The following OSBPL5 variants were observed in gnomAD, a reference collection of about 807,000 sequenced individuals.
OSBPL5 encodes the protein oxysterol-binding protein-related protein 5.
OSBPL5 carries 71 observed loss-of-function variants against 111.2 expected under a neutral mutation model. That is an observed-to-expected ratio of 0.64 (90% CI 0.53 to 0.78). The LOEUF (loss-of-function observed/expected upper bound fraction) is 0.78. Ranked by LOEUF, OSBPL5 falls within the 30% of genes least tolerant of loss-of-function variation. The pLI, the probability that OSBPL5 is intolerant of heterozygous loss-of-function variation, is 0.00. For synonymous variants in OSBPL5, 549 were observed against 513.9 expected, an observed-to-expected ratio of 1.07 and a Z score of -0.93; for missense variants, 1,210 against 1,189.3, an observed-to-expected ratio of 1.02 and a Z score of -0.26.
intron 1 of OSBPL5, among the ~76,000 whole-genome samples, chr11:3,139,016 G>A (rs1269913770): frequency 6.6e-6 from 1 of 152,258 alleles, no homozygotes; most frequent in African/African-American, 2.4e-5. Context: ...GGGCACCTGA[G>A]CTCCAAGGGC....
Position 3,137,045 on chromosome 11 carries a change from A to G in OSBPL5, c.-21-7876T>C, listed in dbSNP as rs548078570. Reference sequence around the variant, plus strand: ...TGGGTCCCAAGGAAGGACAGCAGCCATCAGTTAAAGGACAGCAGCCATCAT... The same window carrying G: ...TGGGTCCCAAGGAAGGACAGCAGCCGTCAGTTAAAGGACAGCAGCCATCAT... On this transcript the variant is annotated intron_variant, in intron 1 of 21. Transcript: ENST00000263650. Among the ~76,000 whole-genome samples the G allele has an allele frequency of 7.9e-5, 12 of 152,296 alleles. No homozygotes were observed. The East Asian group carries it at 2.1e-3, about 27-fold the overall frequency.
At chr11:3,097,761 C>T (rs4758524) in intron 14 of OSBPL5, among the ~76,000 whole-genome samples, 83,452 of 152,008 alleles carry the variant, frequency 0.55, 23,132 homozygotes, top group East Asian at 0.78. Context: ...AGGAACAATG[C>T]ACGAGTATAA....
intron 1 of OSBPL5, among the ~76,000 whole-genome samples, chr11:3,133,127 A>G (rs1845858010): frequency 6.6e-6 from 1 of 152,224 alleles, no homozygotes; most frequent in Non-Finnish European, 1.5e-5. Context: ...TCCCCCGGCC[A>G]TCTGCCACTC....
rs1858052935 is a variant in OSBPL5, at chr11:3,112,826, A to G, written c.692-4881T>C. 1.3e-5 allele frequency among the ~76,000 whole-genome samples: 2 copies of G among 152,146 alleles called. 1 individual carries two copies. Among genetic ancestry groups the G allele is most frequent in the South Asian group, 4.1e-4 (2 of 4,832 alleles). On this transcript the variant is annotated intron_variant, in intron 7 of 21. Coordinates refer to ENST00000263650, the MANE Select transcript of OSBPL5 (RefSeq NM_020896.4). ...GCACCACCAGACTTTTTCTCTCTGTACCTTATGCAAATTTTGCTATTTGAT... is the reference window on the plus strand; with the variant it reads ...GCACCACCAGACTTTTTCTCTCTGTGCCTTATGCAAATTTTGCTATTTGAT...
At chr11:3,114,776 T>A (rs992239343) in intron 7 of OSBPL5, among the ~76,000 whole-genome samples, 2 of 151,532 alleles carry the variant, frequency 1.3e-5, no homozygotes. Flanking sequence ...TTTTTTTTTG[T>A]ATTTTTAGTA....
intron 1 of OSBPL5, among the ~76,000 whole-genome samples, chr11:3,137,214 A>G (rs559029458): frequency 6.6e-6 from 1 of 152,354 alleles, no homozygotes; most frequent in Admixed American, 6.5e-5. Flanking sequence ...CTGAGAGCAG[A>G]CAGCAGCATA....
intron 7 of OSBPL5, among the ~76,000 whole-genome samples, chr11:3,112,099 A>ATG (rs1491393712): frequency 9.1e-6 from 1 of 109,494 alleles, no homozygotes; most frequent in Non-Finnish European, 1.9e-5. Flanking sequence ...GTGTGTGTGC[A>ATG]TATGTGTGTG....
intron 7 of OSBPL5, 108 bp from the exon 8 acceptor site, chr11:3,108,053 C>A: frequency 1.4e-6 from 2 of 1,409,076 alleles, no homozygotes; most frequent in South Asian, 2.7e-5. Flanking sequence ...CAGGGACCCA[C>A]CCCCTCCATC....
At chr11:3,149,270 G>A (rs1490650607) in intron 1 of OSBPL5, among the ~76,000 whole-genome samples, 1 of 152,242 alleles carries the variant, frequency 6.6e-6, no homozygotes, top group African/African-American at 2.4e-5. Context: ...CCCGGGTCAG[G>A]CCCCCCAGAG....
chr11:3,091,990 C>T (rs1857073570), intron 19 of OSBPL5, among the ~76,000 whole-genome samples: 1 of 152,184 alleles, frequency 6.6e-6, no homozygotes, highest in African/African-American at 2.4e-5. Flanking sequence ...CCAAGACACA[C>T]CCAAGGCAGC....
intron 14 of OSBPL5, among the ~76,000 whole-genome samples, chr11:3,095,835 C>CA (rs1175226980): frequency 6.6e-6 from 1 of 152,182 alleles, no homozygotes; most frequent in Admixed American, 6.5e-5. Flanking sequence ...CACCATCTAG[C>CA]AATGCCTTTT....
Position 3,098,495 on chromosome 11 carries a change from A to ATT in OSBPL5, c.1621+1661_1621+1662dup, listed in dbSNP as rs552382553. On this transcript the variant is annotated intron_variant, in intron 14 of 21. Coordinates refer to ENST00000263650, the MANE Select transcript of OSBPL5 (RefSeq NM_020896.4). ...TCAAGCCATAAAAAGACATGAAGGA[A>ATT]TTTTTTTTTTTTTTTTTTTTTTTTT... Among the ~76,000 whole-genome samples the ATT allele has an allele frequency of 9.4e-3, 766 of 81,176 alleles. 96 individuals are homozygous for ATT. The highest frequency in any genetic ancestry group is 0.042 in the African/African-American group (675 of 15,898). The allele number at this position is 81,176 out of a possible 152,430, so 53.3% of individuals were successfully genotyped here. A position where few individuals can be genotyped will look rare whatever the true frequency, so the allele number is the denominator to read the frequency against.
At chr11:3,147,565 C>T (rs547397044) in intron 1 of OSBPL5, among the ~76,000 whole-genome samples, 1 of 152,376 alleles carries the variant, frequency 6.6e-6, no homozygotes, top group African/African-American at 2.4e-5. Context: ...CTCCGGAGTG[C>T]CGTTTGTGAA....
intron 13 of OSBPL5, among the ~76,000 whole-genome samples, chr11:3,100,617 C>T (rs1041047622): frequency 3.3e-5 from 5 of 152,110 alleles, no homozygotes; most frequent in Non-Finnish European, 7.3e-5. Flanking sequence ...CTTGGGGCCA[C>T]GAGTCGCAGG....
intron 1 of OSBPL5, among the ~76,000 whole-genome samples, chr11:3,134,612 A>G (rs1244900314): frequency 1.3e-5 from 2 of 151,956 alleles, no homozygotes; most frequent in Non-Finnish European, 2.9e-5. Flanking sequence ...GGCCTTTTGG[A>G]AAGGAGGGAG....
chr11:3,136,242 G>A (rs144548215), intron 1 of OSBPL5, among the ~76,000 whole-genome samples: 89 of 152,328 alleles, frequency 5.8e-4, no homozygotes, highest in Non-Finnish European at 9.4e-4. Flanking sequence ...CCCTGCCTCC[G>A]CCAGCTGCCT....
Position 3,104,366 on chromosome 11 carries a change from C to G in OSBPL5, c.1071G>C (p.Ala357=). ...CCTCTGACACTGTCTCCACCTGGGACGCCTCGCCCAGCTGCAGCAGACAGG... is the reference window on the plus strand; with the variant it reads ...CCTCTGACACTGTCTCCACCTGGGAGGCCTCGCCCAGCTGCAGCAGACAGG... ...VQEELGELGE[A]SQVETVSEEN... is the part of the protein sequence containing the mutation. The change falls in exon 10 of 22, where the codon GCG becomes GCC. Residue 357 remains alanine, a synonymous_variant. Transcript: ENST00000263650. This position sits in a 1 kb window ranked among gnomAD's most constrained non-coding sequence, Gnocchi z 5.0. 6.2e-7 allele frequency: 1 copy of G among 1,610,214 alleles called. No individual in the cohort carries two copies. The highest frequency in any genetic ancestry group is 8.5e-7 in the Non-Finnish European group (1 of 1,179,628).
chr11:3,101,722 G>C (rs1857463615), intron 12 of OSBPL5, 23 bp from the exon 13 acceptor site: 3 of 1,592,340 alleles, frequency 1.9e-6, no homozygotes, highest in Non-Finnish European at 2.6e-6. Flanking sequence ...AGGCGGCTCT[G>C]TAAACAGCCC....
At chr11:3,149,199 G>C (rs1180600051) in intron 1 of OSBPL5, among the ~76,000 whole-genome samples, 1 of 152,246 alleles carries the variant, frequency 6.6e-6, no homozygotes. Flanking sequence ...CCACTGTCCA[G>C]GGCCCCCCGA....
Sources: gnomAD v4.1 joint callset for allele counts (sites outside exome capture counted in the v4.1 genomes callset) on GRCh38, gnomAD v4.1.1 for gene constraint, Gnocchi (gnomAD v3.1) non-coding constraint, MANE v1.5 for transcripts, NCBI Gene and HGNC (gene_info 2026-07-23, HGNC 2026-07-21) for gene names.